NMT1: variants seen among roughly 807,000 people sequenced by gnomAD.
NMT1 encodes the protein N-myristoyltransferase 1.
Under a neutral mutation model 63.4 loss-of-function variants are expected in NMT1, and 12 were observed. The ratio of observed to expected loss-of-function variants is 0.19; its 90% CI spans 0.12 to 0.31. NMT1 has a LOEUF of 0.31. Among genes scored for constraint, NMT1 ranks in the 10% least tolerant of loss-of-function variants. The pLI is 1.00. For missense variants in NMT1, 432 were observed against 634.6 expected (o/e 0.68, Z 3.43); for synonymous variants, 228 against 234.3 (o/e 0.97, Z 0.25).
chr17:45,062,134 C>T lies in NMT1; in HGVS notation c.131+674C>T, dbSNP rs557670004. 6.6e-5 allele frequency among the ~76,000 whole-genome samples: 10 copies of T among 152,256 alleles called. No individual in the cohort carries two copies. The East Asian group carries it at 1.9e-3, about 29-fold the overall frequency. The stretch of plus-strand genomic sequence containing the variant: ...GCAGCCCCAGGCTTCAAGAAATGAG[C>T]GATGTTGTTTCTTGGAGAGTATTTG... On this transcript the variant is annotated intron_variant, in intron 1 of 11. Transcript: ENST00000258960.
chr17:45,093,888 T>G, intron 4 of NMT1, 85 bp downstream of exon 4: 1 of 1,139,926 alleles, frequency 8.8e-7, no homozygotes, highest in Non-Finnish European at 1.3e-6. Context: ...CTACGTTTAC[T>G]CGAGCCCTAG....
chr17:45,089,585 G>A (rs761271575), intron 3 of NMT1, among the ~76,000 whole-genome samples: 8 of 151,582 alleles, frequency 5.3e-5, no homozygotes, highest in Non-Finnish European at 7.4e-5. Flanking sequence ...CGTGATCCAC[G>A]TGCCTTGGCC....
At chr17:45,088,153 C>T (rs1323757799) in intron 3 of NMT1, among the ~76,000 whole-genome samples, 1 of 152,208 alleles carries the variant, frequency 6.6e-6, no homozygotes, top group East Asian at 1.9e-4. Flanking sequence ...ATTCCCCCAT[C>T]ACCGTGTGTG....
intron 1 of NMT1, among the ~76,000 whole-genome samples, chr17:45,070,216 C>A (rs1409587100): frequency 5.3e-5 from 8 of 151,984 alleles, no homozygotes; most frequent in Admixed American, 5.3e-4. Context: ...CTTTTTATAA[C>A]CTGCTGTTCT....
At chr17:45,073,532 A>C (rs2053956713) in intron 1 of NMT1, among the ~76,000 whole-genome samples, 1 of 152,222 alleles carries the variant, frequency 6.6e-6, no homozygotes, top group East Asian at 1.9e-4. Context: ...GTTTTAAAAC[A>C]GGCAGACATC....
At position 45,075,485 on chromosome 17, in the gene NMT1, TA is replaced by T. The variant is rs1292332355; in HGVS notation, c.132-6146del. 9.5e-3 allele frequency among the ~76,000 whole-genome samples: 1,174 copies of T among 124,016 alleles called. 12 individuals are homozygous for T. Among genetic ancestry groups the T allele is most frequent in the African/African-American group, 0.028 (912 of 32,556 alleles). The allele number at this position is 124,016 out of a possible 152,430, so 81.4% of individuals were successfully genotyped here. A position where few individuals can be genotyped will look rare whatever the true frequency, so the allele number is the denominator to read the frequency against. ...GGGCAACAGAGCGAGACTCTTGTCT[TA>T]AAAAAAAAAAAATGGCTGGGCGTGG... On this transcript the variant is annotated intron_variant, in intron 1 of 11. Coordinates refer to ENST00000258960, the MANE Select transcript of NMT1 (RefSeq NM_021079.5).
chr17:45,086,690 G>A (rs1323919018), intron 3 of NMT1, 38 bp downstream of exon 3: 19 of 1,575,558 alleles, frequency 1.2e-5, no homozygotes, highest in Admixed American at 1.1e-4. Flanking sequence ...GGTCAGGGGC[G>A]AGGGATCTGC....
Position 45,105,803 on chromosome 17 carries a change from G to A in NMT1, c.*164G>A, listed in dbSNP as rs891044536. 2.8e-5 allele frequency: 18 copies of A among 636,366 alleles called. No homozygotes were observed. Among genetic ancestry groups the A allele is most frequent in the Non-Finnish European group, 3.2e-5 (12 of 374,164 alleles). The allele number at this position is 636,366 out of a possible 1,614,324, so 39.4% of individuals were successfully genotyped here. ...CCAGCGAACTTGACAATTGTATTGC[G>A]ATGGCGTGGGCTGCGTGACGTCACC... On this transcript the variant is annotated 3_prime_UTR_variant, in exon 12 of 12. Coordinates refer to ENST00000258960, the MANE Select transcript of NMT1 (RefSeq NM_021079.5). The surrounding 1 kb of genome is among the most constrained non-coding windows in gnomAD (Gnocchi z 4.2).
intron 3 of NMT1, among the ~76,000 whole-genome samples, chr17:45,087,613 A>G (rs1598012197): frequency 1.3e-5 from 2 of 152,204 alleles, no homozygotes; most frequent in African/African-American, 2.4e-5. Flanking sequence ...TGGTTGTAAC[A>G]TGATTCTGGA....
chr17:45,062,570 T>C (rs1951282609), intron 1 of NMT1, among the ~76,000 whole-genome samples: 1 of 152,230 alleles, frequency 6.6e-6, no homozygotes, highest in Non-Finnish European at 1.5e-5. Flanking sequence ...ATTTTTATTG[T>C]ATCCTTTCTA....
intron 8 of NMT1, 192 bp downstream of exon 8, chr17:45,099,705 T>G (rs1390360703): frequency 3.5e-6 from 2 of 577,230 alleles, no homozygotes; most frequent in Non-Finnish European, 6.2e-6. Context: ...TAGTTTAACT[T>G]TCTCAGTTCC....
At chr17:45,074,984 C>G (rs1187047305) in intron 1 of NMT1, among the ~76,000 whole-genome samples, 1 of 152,138 alleles carries the variant, frequency 6.6e-6, no homozygotes, top group Non-Finnish European at 1.5e-5. Context: ...GAGGCCAAGG[C>G]AGGAGGATTG....
chr17:45,090,536 T>C (rs2054081196), intron 3 of NMT1, among the ~76,000 whole-genome samples: 1 of 152,204 alleles, frequency 6.6e-6, no homozygotes. Context: ...TGCACTCACC[T>C]GGTTTCCATG....
chr17:45,081,602 AT>A (rs754661249), intron 1 of NMT1, 41 bp from the exon 2 acceptor site: 10 of 1,553,474 alleles, frequency 6.4e-6, no homozygotes, highest in South Asian at 4.6e-5. Flanking sequence ...CACAAAACAG[AT>A]TTTTTTTAAA....
chr17:45,085,704 G>A lies in NMT1; in HGVS notation c.241-804G>A, dbSNP rs80221580. On this transcript the variant is annotated intron_variant, in intron 2 of 11. Transcript: ENST00000258960. ...AGACTAATAAGGGGAGAAACCCTGC[G>A]GGCAGCACCCACCCATCATATAGCT... is the stretch of plus-strand genomic sequence containing the variant. 8.9e-3 allele frequency among the ~76,000 whole-genome samples: 1,350 copies of A among 152,196 alleles called. 17 individuals are homozygous for A. Among genetic ancestry groups the A allele is most frequent in the African/African-American group, 0.03 (1,252 of 41,520 alleles).
chr17:45,086,878 G>T (rs1005136), intron 3 of NMT1, among the ~76,000 whole-genome samples: 60,111 of 151,872 alleles, frequency 0.4, 12,555 homozygotes, highest in Non-Finnish European at 0.44. Flanking sequence ...AATGATTCTT[G>T]CCAACAGCAC....
At chr17:45,076,758 AAAAAAG>A (rs2053980355) in intron 1 of NMT1, among the ~76,000 whole-genome samples, 1 of 152,096 alleles carries the variant, frequency 6.6e-6, no homozygotes, top group African/African-American at 2.4e-5. Flanking sequence ...CTCAAAAAAA[AAAAAAG>A]AAAAGAAAAA....
At chr17:45,079,601 G>A (rs1224080735) in intron 1 of NMT1, among the ~76,000 whole-genome samples, 1 of 152,180 alleles carries the variant, frequency 6.6e-6, no homozygotes, top group Non-Finnish European at 1.5e-5. Context: ...CTTCATTCAT[G>A]GGGTGTGTCA....
intron 7 of NMT1, 84 bp from the exon 8 acceptor site, chr17:45,099,321 C>A: frequency 1.1e-6 from 1 of 934,880 alleles, no homozygotes; most frequent in East Asian, 2.4e-5. Context: ...ACGCCACCTG[C>A]TGGCCAGCTG....
Sources: gnomAD v4.1 joint callset for allele counts (sites outside exome capture counted in the v4.1 genomes callset) on GRCh38, gnomAD v4.1.1 for gene constraint, Gnocchi (gnomAD v3.1) non-coding constraint, MANE v1.5 for transcripts, NCBI Gene and HGNC (gene_info 2026-07-23, HGNC 2026-07-21) for gene names.